The following ACBD7 variants were observed in gnomAD, a reference collection of about 807,000 sequenced individuals.
ACBD7 encodes acyl-CoA binding domain containing 7.
In ACBD7, 11 loss-of-function variants were observed where a neutral mutation model predicts 13.7. The ratio of observed to expected loss-of-function variants is 0.80; its 90% CI spans 0.50 to 1.33. The LOEUF (loss-of-function observed/expected upper bound fraction) is 1.33, where lower values mean the gene tolerates loss of function less well. ACBD7 is among the 40% of genes most tolerant of loss of function. The probability of loss-of-function intolerance (pLI) is 0.00; values close to 1 mark genes in which losing one functional copy is unlikely to be tolerated. For synonymous variants in ACBD7, 43 were observed against 37.7 expected (o/e 1.14, Z -0.51); for missense variants, 111 against 103.0 (o/e 1.08, Z -0.33).
At chr10:15,088,631 AG>A in intron 1 of ACBD7, 85 bp downstream of exon 1, 1 of 1,529,570 alleles carries the variant, frequency 6.5e-7, no homozygotes, top group Non-Finnish European at 8.8e-7. Flanking sequence ...GACCGCTCCC[AG>A]GGGCGCCAAG....
intron 1 of ACBD7, among the ~76,000 whole-genome samples, chr10:15,082,227 AG>A (rs1282303787): frequency 6.7e-6 from 1 of 148,724 alleles, no homozygotes; most frequent in East Asian, 2.0e-4. Flanking sequence ...TAGAGGTTGC[AG>A]TGAGCCGAGA....
At chr10:15,084,501 A>C (rs1844786829) in intron 1 of ACBD7, among the ~76,000 whole-genome samples, 1 of 152,236 alleles carries the variant, frequency 6.6e-6, no homozygotes, top group Non-Finnish European at 1.5e-5. Flanking sequence ...GAAACAATGA[A>C]GCAACAAAAG....
At chr10:15,088,233 T>C (rs1844831666) in intron 1 of ACBD7, 1 of 157,938 alleles carries the variant, frequency 6.3e-6, no homozygotes, top group African/African-American at 2.4e-5. Flanking sequence ...CATTGGATTA[T>C]TATCAGTAAT....
At chr10:15,083,106 T>C (rs1323969108) in intron 1 of ACBD7, among the ~76,000 whole-genome samples, 1 of 152,218 alleles carries the variant, frequency 6.6e-6, no homozygotes, top group Non-Finnish European at 1.5e-5. Context: ...AGAAGAGCTA[T>C]GCCCTCACAC....
intron 1 of ACBD7, 65 bp downstream of exon 1, chr10:15,088,652 A>G (rs1235698074): frequency 1.3e-5 from 20 of 1,571,436 alleles, no homozygotes; most frequent in African/African-American, 1.4e-5. Flanking sequence ...GCCCACCCGG[A>G]GCCCCACTTA....
chr10:15,077,477 T>C lies in ACBD7; in HGVS notation c.*1053A>G, dbSNP rs1589258806. 1 of 151,672 alleles carries C rather than the reference T, an allele frequency of 6.6e-6. No homozygotes were observed. The highest frequency in any genetic ancestry group is 2.4e-5 in the African/African-American group (1 of 41,224). The allele number at this position is 151,672 out of a possible 1,614,324, so 9.4% of individuals were successfully genotyped here. ...AATAGACACTGGAGGCTTGGAAAGGTGGGAGGGGGTGAGGGATGAGCAATT... is the reference window on the plus strand; with the variant it reads ...AATAGACACTGGAGGCTTGGAAAGGCGGGAGGGGGTGAGGGATGAGCAATT... On this transcript the variant is annotated 3_prime_UTR_variant, in exon 4 of 4. Transcript: ENST00000356189.
In ACBD7 at chr10:15,076,932, A is replaced by C. The variant is rs569136808; in HGVS notation, c.*1598T>G. On this transcript the variant is annotated 3_prime_UTR_variant, in exon 4 of 4. Transcript: ENST00000356189. ...CATATTACCAGGGCTAGACTTTCTA[A>C]AAAGTCAAAAAACAACAGATGTGGA... The C allele has an allele frequency of 1.0e-6, 1 of 985,414 alleles. No individual in the cohort carries two copies. Among genetic ancestry groups the C allele is most frequent in the African/African-American group, 1.7e-5 (1 of 57,360 alleles). The allele number at this position is 985,414 out of a possible 1,614,324, so 61.0% of individuals were successfully genotyped here.
intron 1 of ACBD7, among the ~76,000 whole-genome samples, chr10:15,084,110 G>C (rs1037938163): frequency 6.6e-6 from 1 of 152,240 alleles, no homozygotes; most frequent in South Asian, 2.1e-4. Flanking sequence ...ATTGTTGGCT[G>C]CAGAGGGGCA....
At chr10:15,081,556 T>A (rs915984118) in intron 1 of ACBD7, among the ~76,000 whole-genome samples, 3 of 152,250 alleles carry the variant, frequency 2.0e-5, no homozygotes, top group African/African-American at 7.2e-5. Context: ...TTAGCAGGCA[T>A]ATAAGCTCTG....
At chr10:15,084,212 T>G (rs1245209413) in intron 1 of ACBD7, among the ~76,000 whole-genome samples, 1 of 151,002 alleles carries the variant, frequency 6.6e-6, no homozygotes, top group Non-Finnish European at 1.5e-5. Context: ...AATCAATAAA[T>G]AAACAATCAA....
chr10:15,082,523 T>C (rs1426095297), intron 1 of ACBD7, among the ~76,000 whole-genome samples: 2 of 152,188 alleles, frequency 1.3e-5, no homozygotes, highest in African/African-American at 4.8e-5. Context: ...ATAATGTGCA[T>C]GGATTGTGTT....
chr10:15,081,550 C>T (rs1844750215), intron 1 of ACBD7, among the ~76,000 whole-genome samples: 2 of 152,354 alleles, frequency 1.3e-5, no homozygotes, highest in South Asian at 2.1e-4. Context: ...TATAACTTAG[C>T]AGGCATATAA....
intron 1 of ACBD7, among the ~76,000 whole-genome samples, chr10:15,086,367 T>C (rs1446377129): frequency 6.6e-6 from 1 of 152,134 alleles, no homozygotes. Context: ...TATTAGTAGA[T>C]AATATCATGG....
At chr10:15,082,245 C>T (rs1453281071) in intron 1 of ACBD7, among the ~76,000 whole-genome samples, 1 of 143,832 alleles carries the variant, frequency 7.0e-6, no homozygotes, top group Non-Finnish European at 1.5e-5. Context: ...GAGATCATGC[C>T]ACTACACTCC....
rs568975985 is a variant in ACBD7, at chr10:15,081,863, A to C, written c.13-2823T>G. On this transcript the variant is annotated intron_variant, in intron 1 of 3. Transcript: ENST00000356189. ...GGGGACTGAGAAGCACGGGGCATGG[A>C]ACAAGGGGTGCCTTGTCTTCTGAGT... 5.9e-5 allele frequency among the ~76,000 whole-genome samples: 9 copies of C among 152,294 alleles called. No homozygotes were observed. In the East Asian group the frequency reaches 1.5e-3, roughly 26 times the overall value.
At chr10:15,081,808 C>T (rs1340489671) in intron 1 of ACBD7, among the ~76,000 whole-genome samples, 2 of 152,198 alleles carry the variant, frequency 1.3e-5, no homozygotes, top group African/African-American at 2.4e-5. Flanking sequence ...TAACCTTGAA[C>T]GTGGCCCATC....
At chr10:15,084,891 GAGT>G (rs762460762) in intron 1 of ACBD7, among the ~76,000 whole-genome samples, 2 of 152,212 alleles carry the variant, frequency 1.3e-5, no homozygotes, top group Non-Finnish European at 2.9e-5. Context: ...GTTGCAAAGG[GAGT>G]AGCCTCCGGT....
chr10:15,088,572 C>T, intron 1 of ACBD7, 145 bp downstream of exon 1: 1 of 1,163,208 alleles, frequency 8.6e-7, no homozygotes, highest in Non-Finnish European at 1.2e-6. Flanking sequence ...GTCTACACTG[C>T]CATCTGGGGC....
In ACBD7 at chr10:15,078,310, G is replaced by A. The variant is rs12265325; in HGVS notation, c.*220C>T. 1.9e-3 allele frequency: 2,669 copies of A among 1,380,830 alleles called. 52 individuals carry two copies. The African/African-American group carries it at 0.035, about 18-fold the overall frequency. The allele number at this position is 1,380,830 out of a possible 1,614,324, so 85.5% of individuals were successfully genotyped here. Reference sequence around the variant, plus strand: ...CTCCATAGTATTCCATGGTGTATATGTGCCACATTTTCTTAAAAAGAACTT... The same window carrying A: ...CTCCATAGTATTCCATGGTGTATATATGCCACATTTTCTTAAAAAGAACTT... On this transcript the variant is annotated 3_prime_UTR_variant, in exon 4 of 4. Transcript: ENST00000356189.
Sources: allele counts gnomAD v4.1 joint callset (sites outside exome capture counted in the v4.1 genomes callset), GRCh38; gene constraint gnomAD v4.1.1; transcripts MANE v1.5; gene names NCBI Gene and HGNC (gene_info 2026-07-23, HGNC 2026-07-21).